The following PHLPP1 variants were observed in gnomAD, a reference collection of about 807,000 sequenced individuals.
The protein encoded by PHLPP1 is PH domain and leucine rich repeat protein phosphatase 1.
A neutral mutation model predicts 117.2 loss-of-function variants in PHLPP1; 42 were observed. The observed-to-expected ratio is 0.36, with a 90% CI of 0.28 to 0.46. The LOEUF (loss-of-function observed/expected upper bound fraction) is 0.46, where lower values mean the gene tolerates loss of function less well. Among genes scored for constraint, PHLPP1 ranks in the 20% least tolerant of loss-of-function variants. The pLI, the probability that PHLPP1 is intolerant of heterozygous loss-of-function variation, is 1.00. For missense variants in PHLPP1, 2,084 were observed against 2,241.9 expected, an observed-to-expected ratio of 0.93 and a Z score of 1.42; for synonymous variants, 1,042 against 970.7, an observed-to-expected ratio of 1.07 and a Z score of -1.37.
chr18:62,787,291 C>A (rs183984611), intron 1 of PHLPP1, among the ~76,000 whole-genome samples: 20 of 152,228 alleles, frequency 1.3e-4, no homozygotes, highest in Middle Eastern at 3.4e-3. Context: ...CTCAGCCTCA[C>A]GAGTAGCTGG....
chr18:62,862,372 C>T (rs908583022), intron 4 of PHLPP1, among the ~76,000 whole-genome samples: 5 of 151,606 alleles, frequency 3.3e-5, no homozygotes, highest in African/African-American at 4.8e-5. Context: ...TGAACCACTG[C>T]GCCCAGCCAA....
At position 62,716,578 on chromosome 18, in the gene PHLPP1, C is replaced by A; in HGVS notation, c.895C>A (p.Pro299Thr). The change falls in exon 1 of 17, where the codon CCC becomes ACC. Residue 299 changes from proline to threonine, a missense_variant. Around this residue, in one of 2 missense-constraint regions of PHLPP1, gnomAD observed 719 missense variants for 636.0 expected, o/e 1.13. Coordinates refer to ENST00000262719, the MANE Select transcript of PHLPP1 (RefSeq NM_194449.4). The surrounding 1 kb of genome is among the most constrained non-coding windows in gnomAD (Gnocchi z 5.7). ...CTTCGGGGGGCCTCCGCGCGCGCCC[C>A]CCGCCGACCTACCCCTGCCCGTCGG... ...GAFGGPPRAP[P>T]ADLPLPVGGP... is the part of the protein sequence containing the mutation. 8.2e-7 allele frequency: 1 copy of A among 1,213,556 alleles called. No homozygotes were observed. 75.2% of individuals were successfully genotyped at this position (1,213,556 alleles called of 1,614,324 possible). A position where few individuals can be genotyped will look rare whatever the true frequency, so the allele number is the denominator to read the frequency against.
At chr18:62,892,050 C>A (rs2144395341) in intron 4 of PHLPP1, among the ~76,000 whole-genome samples, 1 of 131,056 alleles carries the variant, frequency 7.6e-6, no homozygotes, top group Admixed American at 7.4e-5. Flanking sequence ...TCATTGTTTT[C>A]TTTTCATTTT....
At chr18:62,790,621 TA>T (rs1241155022) in intron 1 of PHLPP1, among the ~76,000 whole-genome samples, 1 of 152,176 alleles carries the variant, frequency 6.6e-6, no homozygotes, top group Non-Finnish European at 1.5e-5. Context: ...TATCAGGATT[TA>T]AAATGTTTTA....
At chr18:62,906,097 G>T (rs1916841513) in intron 8 of PHLPP1, among the ~76,000 whole-genome samples, 1 of 152,110 alleles carries the variant, frequency 6.6e-6, no homozygotes, top group Admixed American at 6.6e-5. Flanking sequence ...TCATTTCAGG[G>T]CTTAAATTCT....
intron 1 of PHLPP1, among the ~76,000 whole-genome samples, chr18:62,741,836 C>A (rs1911536061): frequency 6.6e-6 from 1 of 150,960 alleles, no homozygotes; most frequent in Admixed American, 6.6e-5. Flanking sequence ...GGTAGGAAGC[C>A]CGGCAAGTTT....
intron 6 of PHLPP1, among the ~76,000 whole-genome samples, chr18:62,900,348 T>A (rs559751791): frequency 1.9e-4 from 23 of 122,116 alleles, no homozygotes; most frequent in Non-Finnish European, 3.2e-4. Flanking sequence ...AATAAATAAA[T>A]AAAAAGTTTG....
At chr18:62,757,118 A>C (rs2032412648) in intron 1 of PHLPP1, among the ~76,000 whole-genome samples, 1 of 152,232 alleles carries the variant, frequency 6.6e-6, no homozygotes, top group African/African-American at 2.4e-5. Context: ...ACAGACGTCA[A>C]CATTGTATGC....
intron 2 of PHLPP1, chr18:62,837,817 C>G (rs1914948777): frequency 7.2e-5 from 11 of 151,860 alleles, no homozygotes; most frequent in Admixed American, 7.2e-4. Context: ...CCCACCACCG[C>G]TCCTAGCTGT....
intron 3 of PHLPP1, among the ~76,000 whole-genome samples, chr18:62,848,453 TG>T (rs1915237253): frequency 7.3e-6 from 1 of 136,228 alleles, no homozygotes; most frequent in Non-Finnish European, 1.6e-5. Flanking sequence ...GGTTTTTTGT[TG>T]ATTTTTTTTT....
chr18:62,757,577 C>T (rs939825556), intron 1 of PHLPP1, among the ~76,000 whole-genome samples: 4 of 152,228 alleles, frequency 2.6e-5, no homozygotes, highest in African/African-American at 7.2e-5. Context: ...CCTTTTCTGA[C>T]GTCGCTGACT....
intron 1 of PHLPP1, among the ~76,000 whole-genome samples, chr18:62,756,489 A>T (rs138009264): frequency 6.6e-6 from 1 of 152,182 alleles, no homozygotes; most frequent in African/African-American, 2.4e-5. Context: ...AGTGGTTGGG[A>T]TCTAGACAAT....
At chr18:62,868,152 T>A (rs1336064901) in intron 4 of PHLPP1, among the ~76,000 whole-genome samples, 2 of 152,136 alleles carry the variant, frequency 1.3e-5, no homozygotes, top group Non-Finnish European at 2.9e-5. Context: ...CAGAACAGTG[T>A]TTTCTGTTAT....
At chr18:62,905,504 A>G (rs1045417540) in intron 8 of PHLPP1, among the ~76,000 whole-genome samples, 20 of 152,202 alleles carry the variant, frequency 1.3e-4, no homozygotes, top group African/African-American at 2.4e-5. Context: ...ATTTGAACAC[A>G]CATTTGGACT....
At chr18:62,943,231 C>T (rs968433392) in intron 11 of PHLPP1, among the ~76,000 whole-genome samples, 4 of 152,130 alleles carry the variant, frequency 2.6e-5, no homozygotes, top group African/African-American at 9.7e-5. Context: ...ATTCTGTCTC[C>T]CTGTGGTTGT....
rs555321034 is a variant in PHLPP1 at position 62,774,067 on chromosome 18, G to GT, written c.1577-55961dup. On this transcript the variant is annotated intron_variant, in intron 1 of 16. Transcript: ENST00000262719. Reference sequence around the variant, plus strand: ...ATTAGGGGTTAGTATTTTAATACATGTTTTTTTGTGGGTGGGGGCACAAAC... The same window carrying GT: ...ATTAGGGGTTAGTATTTTAATACATGTTTTTTTTGTGGGTGGGGGCACAAAC... Among the ~76,000 whole-genome samples the GT allele has an allele frequency of 7.4e-4, 112 of 152,248 alleles. 1 individual carries two copies. The highest frequency in any genetic ancestry group is 2.1e-3 in the South Asian group (10 of 4,816).
At chr18:62,947,607 GTC>G (rs1910336875) in intron 12 of PHLPP1, among the ~76,000 whole-genome samples, 1 of 152,160 alleles carries the variant, frequency 6.6e-6, no homozygotes, top group South Asian at 2.1e-4. Context: ...GAAAGTGAGA[GTC>G]TCAAGATTAA....
chr18:62,760,166 A>T (rs955650874), intron 1 of PHLPP1, among the ~76,000 whole-genome samples: 1 of 152,224 alleles, frequency 6.6e-6, no homozygotes, highest in Non-Finnish European at 1.5e-5. Context: ...ATTAATTGTC[A>T]GTATGAAATA....
chr18:62,843,787 G>C (rs1052174855), intron 3 of PHLPP1, among the ~76,000 whole-genome samples: 1 of 152,166 alleles, frequency 6.6e-6, no homozygotes, highest in African/African-American at 2.4e-5. Context: ...GGTTAGAGGG[G>C]CAGTGAAGTG....
Sources: gnomAD v4.1 joint callset for allele counts (sites outside exome capture counted in the v4.1 genomes callset) on GRCh38, gnomAD v4.1.1 for gene constraint, gnomAD v4.1.1 regional missense constraint, Gnocchi (gnomAD v3.1) non-coding constraint, MANE v1.5 for transcripts, NCBI Gene and HGNC (gene_info 2026-07-23, HGNC 2026-07-21) for gene names.